ZCCHC14: variants seen among roughly 807,000 people sequenced by gnomAD.
The protein encoded by ZCCHC14 is zinc finger CCHC domain-containing protein 14.
A neutral mutation model predicts 85.0 loss-of-function variants in ZCCHC14; 16 were observed. The ratio of observed to expected loss-of-function variants is 0.19; its 90% CI spans 0.13 to 0.29. ZCCHC14 has a LOEUF of 0.29. Ranked by LOEUF, ZCCHC14 falls within the 10% of genes least tolerant of loss-of-function variation. The pLI is 1.00. For synonymous variants in ZCCHC14, 775 were observed against 630.7 expected, an observed-to-expected ratio of 1.23 and a Z score of -3.43; for missense variants, 1,303 against 1,443.5, an observed-to-expected ratio of 0.90 and a Z score of 1.58.
chr16:87,449,522 A>G (rs777069282), intron 2 of ZCCHC14, among the ~76,000 whole-genome samples: 11 of 152,050 alleles, frequency 7.2e-5, no homozygotes, highest in Non-Finnish European at 1.5e-4. Flanking sequence ...CAACGCCACC[A>G]AGAGAGCAAA....
At chr16:87,415,162 T>A (rs1238918745) in intron 9 of ZCCHC14, 114 bp downstream of exon 9, 1 of 789,944 alleles carries the variant, frequency 1.3e-6, no homozygotes, top group Non-Finnish European at 2.2e-6. Context: ...AAGGACTGGA[T>A]AAGCAACAGG....
chr16:87,489,790 T>C (rs1288051551), intron 1 of ZCCHC14, among the ~76,000 whole-genome samples: 2 of 152,248 alleles, frequency 1.3e-5, no homozygotes, highest in Non-Finnish European at 2.9e-5. Context: ...ATTTTTGTTC[T>C]AGATTTAGCT....
intron 2 of ZCCHC14, among the ~76,000 whole-genome samples, chr16:87,437,147 A>C (rs1452646330): frequency 6.6e-6 from 1 of 151,324 alleles, no homozygotes; most frequent in African/African-American, 2.4e-5. Context: ...GACCAGCCTG[A>C]CCAACATGGA....
chr16:87,417,860 T>A, intron 7 of ZCCHC14, 118 bp from the exon 8 acceptor site: 1 of 1,276,736 alleles, frequency 7.8e-7, no homozygotes, highest in Non-Finnish European at 1.0e-6. Flanking sequence ...GCCGGCCCTG[T>A]TGTCACAGGC....
chr16:87,441,739 C>A (rs1389730790), intron 2 of ZCCHC14, among the ~76,000 whole-genome samples: 1 of 152,204 alleles, frequency 6.6e-6, no homozygotes. Flanking sequence ...ATTAAAAAGG[C>A]ACTCTTATAA....
rs868392694 is a variant in ZCCHC14 at position 87,459,613 on chromosome 16, G to A, written c.694+395C>T. On this transcript the variant is annotated intron_variant, in intron 2 of 12. Coordinates refer to ENST00000671377, the MANE Select transcript of ZCCHC14 (RefSeq NM_015144.3). ...CGACCTCCGCCTCCTGGGTTCAAGCGATTCTCCTGCCTCAGCCTCCCGAGT... is the reference window on the plus strand; with the variant it reads ...CGACCTCCGCCTCCTGGGTTCAAGCAATTCTCCTGCCTCAGCCTCCCGAGT... 8.2e-4 allele frequency among the ~76,000 whole-genome samples: 125 copies of A among 151,582 alleles called. 2 individuals are homozygous for A. Among genetic ancestry groups the A allele is most frequent in the Middle Eastern group, 6.8e-3 (2 of 294 alleles).
chr16:87,488,225 ATTTAT>A (rs1051428926), intron 1 of ZCCHC14, among the ~76,000 whole-genome samples: 12 of 152,198 alleles, frequency 7.9e-5, no homozygotes, highest in African/African-American at 2.4e-4. Context: ...GCCGCAAAGG[ATTTAT>A]TTTAACTATT....
At chr16:87,479,105 T>C (rs1912152236) in intron 1 of ZCCHC14, among the ~76,000 whole-genome samples, 1 of 152,116 alleles carries the variant, frequency 6.6e-6, no homozygotes. Flanking sequence ...ATACATGTTT[T>C]AATTAGAGTC....
intron 2 of ZCCHC14, among the ~76,000 whole-genome samples, chr16:87,443,960 C>G (rs1910307562): frequency 1.3e-5 from 2 of 150,272 alleles, no homozygotes; most frequent in Admixed American, 1.3e-4. Context: ...TCACTTGAAC[C>G]TGGGAGGCGG....
chr16:87,434,946 G>A (rs1439766393), intron 2 of ZCCHC14, among the ~76,000 whole-genome samples: 6 of 131,050 alleles, frequency 4.6e-5, no homozygotes, highest in South Asian at 2.3e-4. Flanking sequence ...AGCCGATATC[G>A]CGCCATTGCA....
rs190293137 is a variant in ZCCHC14, at chr16:87,491,089, G to A, written c.570+580C>T. On this transcript the variant is annotated intron_variant, in intron 1 of 12. Coordinates refer to ENST00000671377, the MANE Select transcript of ZCCHC14 (RefSeq NM_015144.3). This position sits in a 1 kb window ranked among gnomAD's most constrained non-coding sequence, Gnocchi z 5.9. Reference sequence around the variant, plus strand: ...GGGAAACCAAGGCGCCGCAATGTGTGTTATCTGTCACCCAAGGGCCCCATT... The same window carrying A: ...GGGAAACCAAGGCGCCGCAATGTGTATTATCTGTCACCCAAGGGCCCCATT... 3.3e-5 allele frequency among the ~76,000 whole-genome samples: 5 copies of A among 152,242 alleles called. No homozygotes were observed. Among genetic ancestry groups the A allele is most frequent in the African/African-American group, 7.2e-5 (3 of 41,462 alleles).
intron 2 of ZCCHC14, among the ~76,000 whole-genome samples, chr16:87,451,532 T>C (rs1364281047): frequency 6.6e-6 from 1 of 152,212 alleles, no homozygotes; most frequent in Non-Finnish European, 1.5e-5. Context: ...GATGTGGCAT[T>C]TGAATTTAGG....
rs1909039276 is a variant in ZCCHC14, at chr16:87,420,531, GGACCACAGCATT to G, written c.950+64_950+75del. On this transcript the variant is annotated intron_variant, in intron 5 of 12. Transcript: ENST00000671377. The surrounding 1 kb of genome is among the most constrained non-coding windows in gnomAD (Gnocchi z 5.0). The stretch of plus-strand genomic sequence containing the variant: ...GCGCATCCTCCCAGAGCTCCTTGGA[GGACCACAGCATT>G]GACCACAGGACCAGCCTGTCCTTGC... 8.1e-7 allele frequency: 1 copy of G among 1,231,822 alleles called. No individual in the cohort carries two copies. The highest frequency in any genetic ancestry group is 1.5e-5 in the African/African-American group (1 of 65,934). 76.3% of individuals were successfully genotyped at this position (1,231,822 alleles called of 1,614,324 possible). A position where few individuals can be genotyped will look rare whatever the true frequency, so the allele number is the denominator to read the frequency against.
chr16:87,453,260 C>T (rs929312483), intron 2 of ZCCHC14, among the ~76,000 whole-genome samples: 1 of 152,246 alleles, frequency 6.6e-6, no homozygotes, highest in Non-Finnish European at 1.5e-5. Flanking sequence ...ATGGCAACAG[C>T]TCCTACAGGA....
intron 3 of ZCCHC14, among the ~76,000 whole-genome samples, chr16:87,425,540 C>T (rs1216587079): frequency 2.6e-5 from 4 of 151,274 alleles, no homozygotes; most frequent in South Asian, 2.1e-4. Context: ...CGCGCCATTG[C>T]ACTCCAGCCT....
intron 2 of ZCCHC14, among the ~76,000 whole-genome samples, chr16:87,457,288 C>G (rs149366642): frequency 6.6e-6 from 1 of 152,362 alleles, no homozygotes; most frequent in African/African-American, 2.4e-5. Flanking sequence ...GGTGTGTTTT[C>G]CACTTTCAGT....
chr16:87,483,058 G>C (rs933762404), intron 1 of ZCCHC14, among the ~76,000 whole-genome samples: 1 of 151,448 alleles, frequency 6.6e-6, no homozygotes, highest in Admixed American at 6.6e-5. Flanking sequence ...AAAAAGAAAA[G>C]AAAACAACTG....
At chr16:87,465,244 T>C (rs568149627) in intron 1 of ZCCHC14, among the ~76,000 whole-genome samples, 2 of 152,380 alleles carry the variant, frequency 1.3e-5, no homozygotes, top group East Asian at 1.9e-4. Context: ...TGTTCACTGC[T>C]GTTCCTTTGC....
intron 1 of ZCCHC14, among the ~76,000 whole-genome samples, chr16:87,461,663 C>T (rs1469092325): frequency 1.3e-5 from 2 of 152,210 alleles, no homozygotes; most frequent in African/African-American, 4.8e-5. Flanking sequence ...GCCAGGTAGG[C>T]GTGGCCTCGA....
Sources: gnomAD v4.1 joint callset for allele counts (sites outside exome capture counted in the v4.1 genomes callset) on GRCh38, gnomAD v4.1.1 for gene constraint, Gnocchi (gnomAD v3.1) non-coding constraint, MANE v1.5 for transcripts, NCBI Gene and HGNC (gene_info 2026-07-23, HGNC 2026-07-21) for gene names.